PALMD: variants seen among roughly 807,000 people sequenced by gnomAD.
PALMD encodes palmdelphin, also known as paralemmin-like protein.
A neutral mutation model predicts 56.2 loss-of-function variants in PALMD; 42 were observed. That is an observed-to-expected ratio of 0.75 (90% CI 0.58 to 0.97). The LOEUF (loss-of-function observed/expected upper bound fraction) is 0.97, where lower values mean the gene tolerates loss of function less well. PALMD is among the 50% of genes least tolerant of loss of function. PALMD has a pLI of 0.00. For synonymous variants in PALMD, 242 were observed against 222.9 expected (o/e 1.09, Z -0.76); for missense variants, 660 against 643.8 (o/e 1.03, Z -0.27).
chr1:99,693,306 T>C (rs1210490987), intron 7 of PALMD, among the ~76,000 whole-genome samples: 1 of 152,148 alleles, frequency 6.6e-6, no homozygotes, highest in East Asian at 1.9e-4. Flanking sequence ...AGCTCTACAC[T>C]GAAATCCTAA....
intron 3 of PALMD, chr1:99,684,228 C>T (rs1376251848): frequency 6.6e-6 from 1 of 151,864 alleles, no homozygotes; most frequent in African/African-American, 2.4e-5. Flanking sequence ...CAGACACAAG[C>T]TAAAAATGGT....
chr1:99,666,648 A>T (rs938388537), intron 2 of PALMD, among the ~76,000 whole-genome samples: 3 of 152,188 alleles, frequency 2.0e-5, no homozygotes, highest in Admixed American at 6.6e-5. Flanking sequence ...ACAATGAATA[A>T]CTGAACAAAT....
chr1:99,659,464 T>C (rs941931608), intron 1 of PALMD, among the ~76,000 whole-genome samples: 29 of 152,212 alleles, frequency 1.9e-4, no homozygotes, highest in Non-Finnish European at 4.0e-4. Flanking sequence ...CAGTAATGTC[T>C]GATGTGCCAG....
chr1:99,688,875 A>G lies in PALMD; in HGVS notation c.615A>G (p.Thr205=). 1 of 1,613,572 alleles carries G rather than the reference A, an allele frequency of 6.2e-7. No homozygotes were observed. The highest frequency in any genetic ancestry group is 8.5e-7 in the Non-Finnish European group (1 of 1,179,532). Residue 205 remains threonine, a synonymous_variant, in exon 7 of 8, where the codon ACA becomes ACG. Coordinates refer to ENST00000263174, the MANE Select transcript of PALMD (RefSeq NM_017734.5). The part of the protein sequence containing the change: ...IPLPSDDFKG[T]GIKVYDDGQK... ...TGCCATCAGATGACTTTAAAGGTAC[A>G]GGAATAAAAGTTTATGATGATGGGC... is the stretch of plus-strand genomic sequence containing the variant.
chr1:99,676,166 G>A (rs1653208341), intron 3 of PALMD, among the ~76,000 whole-genome samples: 1 of 152,168 alleles, frequency 6.6e-6, no homozygotes, highest in African/African-American at 2.4e-5. Context: ...AGTGTTTGCT[G>A]TATGCCAAAT....
At chr1:99,669,002 G>A (rs1002245568) in intron 3 of PALMD, 7 of 152,176 alleles carry the variant, frequency 4.6e-5, no homozygotes, top group Non-Finnish European at 1.0e-4. Context: ...TCGCTATAAT[G>A]TATTGCCTTT....
chr1:99,683,313 T>C (rs893336518), intron 3 of PALMD: 1 of 152,156 alleles, frequency 6.6e-6, no homozygotes, highest in Non-Finnish European at 1.5e-5. Flanking sequence ...CCCAAATGTA[T>C]ATCTTCAAAC....
intron 3 of PALMD, chr1:99,685,598 G>A (rs556978658): frequency 2.6e-5 from 4 of 152,282 alleles, no homozygotes; most frequent in African/African-American, 9.6e-5. Context: ...CCACATCTTG[G>A]GCTTTTACTG....
intron 6 of PALMD, among the ~76,000 whole-genome samples, chr1:99,687,772 T>C (rs950717262): frequency 6.6e-6 from 1 of 152,148 alleles, no homozygotes; most frequent in African/African-American, 2.4e-5. Context: ...GTTAGGCACA[T>C]AGTAGGTATT....
rs537335704 is a variant in PALMD at position 99,685,588 on chromosome 1, C to T, written c.252-1088C>T. 10 of 152,332 alleles carry T rather than the reference C, an allele frequency of 6.6e-5. 1 individual carries two copies. The highest frequency in any genetic ancestry group is 2.2e-4 in the African/African-American group (9 of 41,566). The allele number at this position is 152,332 out of a possible 1,614,324, so 9.4% of individuals were successfully genotyped here. On this transcript the variant is annotated intron_variant, in intron 3 of 7. Coordinates refer to ENST00000263174, the MANE Select transcript of PALMD (RefSeq NM_017734.5). ...ATGAGCAAGAGAGCTGTCAAGCTGACCACATCTTGGGCTTTTACTGGTGTG... is the reference window on the plus strand; with the variant it reads ...ATGAGCAAGAGAGCTGTCAAGCTGATCACATCTTGGGCTTTTACTGGTGTG...
At chr1:99,662,766 C>CTTTTGA (rs1652874494) in intron 2 of PALMD, among the ~76,000 whole-genome samples, 1 of 152,124 alleles carries the variant, frequency 6.6e-6, no homozygotes, top group African/African-American at 2.4e-5. Context: ...AATGAAAGGC[C>CTTTTGA]AGTCATTCCC....
At position 99,646,254 on chromosome 1, in the gene PALMD, G is replaced by A. The variant is rs997150073; in HGVS notation, c.-64G>A. ...TGTCACCCCCGCTCCTCTCCCCCAG[G>A]AGGCTCCTTGATTTATGGTAGCTTT... On this transcript the variant is annotated 5_prime_UTR_variant, in exon 1 of 8. Transcript: ENST00000263174. The A allele has an allele frequency of 4.6e-6, 6 of 1,313,366 alleles. No individual in the cohort carries two copies. The highest frequency in any genetic ancestry group is 1.2e-5 in the South Asian group (1 of 85,074). The allele number at this position is 1,313,366 out of a possible 1,614,324, so 81.4% of individuals were successfully genotyped here. A position where few individuals can be genotyped will look rare whatever the true frequency, so the allele number is the denominator to read the frequency against.
At chr1:99,687,976 T>C (rs1653554715) in intron 6 of PALMD, among the ~76,000 whole-genome samples, 1 of 152,070 alleles carries the variant, frequency 6.6e-6, no homozygotes, top group African/African-American at 2.4e-5. Context: ...AAAAGCAAGC[T>C]GTAATTTTGC....
Position 99,689,774 on chromosome 1 carries a change from C to A in PALMD, c.1514C>A (p.Ser505Tyr). The change falls in exon 7 of 8, where the codon TCT becomes TAT. Residue 505 changes from serine to tyrosine, a missense_variant. Coordinates refer to ENST00000263174, the MANE Select transcript of PALMD (RefSeq NM_017734.5). ...AAATCCCCCCACAAAAATTCCATAT[C>A]TCTGAAAGAGCAAGAAGAAAGCTTA... ...NHKSPHKNSI[S>Y]LKEQEESLGS... The A allele has an allele frequency of 1.2e-6, 2 of 1,613,840 alleles. No homozygotes were observed. Among genetic ancestry groups the A allele is most frequent in the Non-Finnish European group, 1.7e-6 (2 of 1,179,830 alleles).
chr1:99,667,899 G>C, intron 3 of PALMD, 133 bp downstream of exon 3: 1 of 830,784 alleles, frequency 1.2e-6, no homozygotes, highest in Non-Finnish European at 1.9e-6. Flanking sequence ...TTTTTTTTAA[G>C]GCACGCTTTC....
chr1:99,686,822 C>A, intron 4 of PALMD, 32 bp downstream of exon 4: 1 of 1,383,958 alleles, frequency 7.2e-7, no homozygotes, highest in African/African-American at 1.4e-5. Flanking sequence ...AACTGTAATT[C>A]TCTCTCAAAA....
At chr1:99,674,448 A>C (rs1653159219) in intron 3 of PALMD, among the ~76,000 whole-genome samples, 2 of 152,142 alleles carry the variant, frequency 1.3e-5, no homozygotes, top group Non-Finnish European at 2.9e-5. Context: ...AAATCTGGCA[A>C]CAGTCATGCC....
At chr1:99,662,619 A>G (rs1652871356) in intron 2 of PALMD, among the ~76,000 whole-genome samples, 1 of 152,196 alleles carries the variant, frequency 6.6e-6, no homozygotes, top group African/African-American at 2.4e-5. Context: ...TGGTTTTATT[A>G]CTTTTATCCT....
intron 6 of PALMD, among the ~76,000 whole-genome samples, chr1:99,687,390 C>T (rs1183719631): frequency 2.0e-5 from 3 of 152,064 alleles, no homozygotes; most frequent in African/African-American, 7.2e-5. Context: ...ATTTTATTCC[C>T]TAACAAACCA....
Sources: allele counts gnomAD v4.1 joint callset (sites outside exome capture counted in the v4.1 genomes callset), GRCh38; gene constraint gnomAD v4.1.1; transcripts MANE v1.5; gene names NCBI Gene and HGNC (gene_info 2026-07-23, HGNC 2026-07-21).